Variants in MTREX observed in about 807,000 individuals in gnomAD.
MTREX encodes exosome RNA helicase MTR4.
A neutral mutation model predicts 135.4 loss-of-function variants in MTREX; 76 were observed. The observed-to-expected ratio is 0.56, with a 90% confidence interval of 0.47 to 0.68. The LOEUF (loss-of-function observed/expected upper bound fraction) is 0.68, where lower values mean the gene tolerates loss of function less well. Ranked by LOEUF, MTREX falls within the 30% of genes least tolerant of loss-of-function variation. The pLI, the probability that MTREX is intolerant of heterozygous loss-of-function variation, is 0.00. For synonymous variants in MTREX, 404 were observed against 401.6 expected (o/e 1.01, Z -0.07); for missense variants, 920 against 1,262.1 (o/e 0.73, Z 4.11).
Position 55,327,595 on chromosome 5 carries a change from A to G in MTREX, c.340-121A>G, listed in dbSNP as rs1749403314. 6 of 740,792 alleles carry G rather than the reference A, an allele frequency of 8.1e-6. No individual in the cohort carries two copies. In the East Asian group the frequency reaches 1.5e-4, roughly 19 times the overall value. 45.9% of individuals were successfully genotyped at this position (740,792 alleles called of 1,614,324 possible). ...TTGATTTACAGTGTCTGAGACAGCT[A>G]AAGTTCATCACTCTAGTTCATCAGT... On this transcript the variant is annotated intron_variant, in intron 3 of 26. Transcript: ENST00000230640.
chr5:55,389,233 C>CATAT (rs1316891206), intron 19 of MTREX, among the ~76,000 whole-genome samples: 1 of 152,178 alleles, frequency 6.6e-6, no homozygotes. Flanking sequence ...CACAGTTAGG[C>CATAT]ATATACTCTT....
chr5:55,363,540 G>A (rs1750049480), intron 15 of MTREX, among the ~76,000 whole-genome samples: 1 of 152,028 alleles, frequency 6.6e-6, no homozygotes, highest in Non-Finnish European at 1.5e-5. Context: ...TAAATTTTAG[G>A]TGATCCTCTT....
chr5:55,347,191 G>A (rs369660414), intron 11 of MTREX, 47 bp downstream of exon 11: 66 of 1,512,342 alleles, frequency 4.4e-5, no homozygotes, highest in African/African-American at 1.3e-4. Flanking sequence ...GAAAATGAGC[G>A]TAAAATATAT....
At chr5:55,408,403 G>A (rs2111608665) in intron 22 of MTREX, among the ~76,000 whole-genome samples, 2 of 152,162 alleles carry the variant, frequency 1.3e-5, no homozygotes, top group Middle Eastern at 3.4e-3. Context: ...TGCCCCCAAT[G>A]TTAGACTGTA....
chr5:55,368,826 TG>T (rs1249840526), intron 16 of MTREX, among the ~76,000 whole-genome samples: 2 of 152,220 alleles, frequency 1.3e-5, no homozygotes, highest in Non-Finnish European at 2.9e-5. Flanking sequence ...CGAAGATGAC[TG>T]ACAGTTTCTT....
At chr5:55,383,116 T>C (rs189243864) in intron 18 of MTREX, among the ~76,000 whole-genome samples, 35 of 152,344 alleles carry the variant, frequency 2.3e-4, no homozygotes, top group African/African-American at 8.2e-4. Context: ...CATTATGTTG[T>C]TACTGCCAAG....
At chr5:55,367,371 A>C (rs1750121757) in intron 16 of MTREX, among the ~76,000 whole-genome samples, 2 of 152,104 alleles carry the variant, frequency 1.3e-5, no homozygotes, top group East Asian at 3.9e-4. Flanking sequence ...CTGTAGTCCC[A>C]GCTACTTGGG....
At position 55,409,290 on chromosome 5, in the gene MTREX, T is replaced by C. The variant is rs529250937; in HGVS notation, c.2646-1234T>C. ...TATATATATGAGATTATTATTCATG[T>C]AATCATTCAACAGAAAGGGCCTAGT... is the stretch of plus-strand genomic sequence containing the variant. On this transcript the variant is annotated intron_variant, in intron 22 of 26. Coordinates refer to ENST00000230640, the MANE Select transcript of MTREX (RefSeq NM_015360.5). 9.2e-5 allele frequency among the ~76,000 whole-genome samples: 14 copies of C among 152,316 alleles called. No homozygotes were observed. The South Asian group carries it at 2.7e-3, about 29-fold the overall frequency.
intron 5 of MTREX, among the ~76,000 whole-genome samples, chr5:55,338,789 T>C (rs1749595267): frequency 1.5e-5 from 2 of 136,816 alleles, no homozygotes; most frequent in Admixed American, 1.4e-4. Context: ...TCTTTTTCTT[T>C]TTTTTTTTTT....
At chr5:55,368,847 G>T (rs544962031) in intron 16 of MTREX, among the ~76,000 whole-genome samples, 1 of 152,222 alleles carries the variant, frequency 6.6e-6, no homozygotes, top group East Asian at 1.9e-4. Context: ...TAAAATGTGA[G>T]CTGGATGATC....
chr5:55,324,095 A>G (rs557818209), intron 2 of MTREX, 37 bp from the exon 3 acceptor site: 11 of 1,470,790 alleles, frequency 7.5e-6, no homozygotes, highest in African/African-American at 1.4e-5. Context: ...TAGAAAAGTA[A>G]TTTGTTTTTG....
chr5:55,360,025 A>G (rs1749982567), intron 15 of MTREX, among the ~76,000 whole-genome samples: 1 of 152,122 alleles, frequency 6.6e-6, no homozygotes, highest in African/African-American at 2.4e-5. Context: ...CCATCACCAC[A>G]ATCAATTTTA....
intron 1 of MTREX, among the ~76,000 whole-genome samples, chr5:55,310,615 A>G (rs550206795): frequency 1.3e-5 from 2 of 152,262 alleles, no homozygotes; most frequent in South Asian, 4.1e-4. Context: ...CTCAAAAAAA[A>G]AAAGAGAAAA....
At chr5:55,354,735 C>T (rs1320970017) in intron 14 of MTREX, among the ~76,000 whole-genome samples, 1 of 152,210 alleles carries the variant, frequency 6.6e-6, no homozygotes, top group East Asian at 1.9e-4. Flanking sequence ...TCTGTGCTAG[C>T]AGGGACTCTG....
chr5:55,327,486 AATT>A (rs1467391350), intron 3 of MTREX: 2 of 436,470 alleles, frequency 4.6e-6, no homozygotes, highest in African/African-American at 2.0e-5. Context: ...ATCAGCTTTC[AATT>A]ATTACCCTTA....
intron 19 of MTREX, among the ~76,000 whole-genome samples, chr5:55,389,293 G>T (rs986630449): frequency 4.6e-5 from 7 of 152,182 alleles, no homozygotes; most frequent in African/African-American, 1.4e-4. Context: ...TAGCAAATAT[G>T]TGCCACACAT....
chr5:55,400,167 C>G (rs1750702164), intron 20 of MTREX, 66 bp from the exon 21 acceptor site: 23 of 1,208,286 alleles, frequency 1.9e-5, no homozygotes, highest in Non-Finnish European at 2.4e-5. Flanking sequence ...AAGGGAAACA[C>G]TGATTTGGTT....
chr5:55,352,989 A>G (rs1749851967), intron 13 of MTREX, among the ~76,000 whole-genome samples, 179 bp from the exon 14 acceptor site: 1 of 152,206 alleles, frequency 6.6e-6, no homozygotes, highest in Admixed American at 6.5e-5. Context: ...GAGACATTAA[A>G]TGTTAATTAA....
At position 55,400,360 on chromosome 5, in the gene MTREX, A is replaced by T. The variant is rs993112167; in HGVS notation, c.2420A>T (p.His807Leu). 1 of 1,613,342 alleles carries T rather than the reference A, an allele frequency of 6.2e-7. No homozygotes were observed. The highest frequency in any genetic ancestry group is 8.5e-7 in the Non-Finnish European group (1 of 1,179,622). ...GCTTTTGAGCATCGAATGTATTCTC[A>T]TCCACTTCACAATGATCCAAATTTG... is the stretch of plus-strand genomic sequence containing the variant. ...VEAFEHRMYS[H>L]PLHNDPNLET... The change falls in exon 21 of 27, where the codon CAT becomes CTT. Residue 807 changes from histidine (H) to leucine (L), a missense_variant. Coordinates refer to ENST00000230640, the MANE Select transcript of MTREX (RefSeq NM_015360.5).
Sources: gnomAD v4.1 joint callset for allele counts (sites outside exome capture counted in the v4.1 genomes callset) on GRCh38, gnomAD v4.1.1 for gene constraint, MANE v1.5 for transcripts, NCBI Gene and HGNC (gene_info 2026-07-23, HGNC 2026-07-21) for gene names.